The following PIP4K2A variants were observed in gnomAD, a reference collection of about 807,000 sequenced individuals.
The protein encoded by PIP4K2A is phosphatidylinositol-5-phosphate 4-kinase type 2 alpha.
In PIP4K2A, 14 loss-of-function variants were observed where a neutral mutation model predicts 42.9. The ratio of observed to expected loss-of-function variants is 0.33; its 90% CI spans 0.22 to 0.51. The LOEUF is 0.51. PIP4K2A is among the 20% of genes least tolerant of loss of function. The pLI, the probability that PIP4K2A is intolerant of heterozygous loss-of-function variation, is 0.97. For synonymous variants in PIP4K2A, 192 were observed against 192.2 expected, an observed-to-expected ratio of 1.00 and a Z score of 0.01; for missense variants, 434 against 519.8, an observed-to-expected ratio of 0.83 and a Z score of 1.61.
chr10:22,546,795 C>T (rs541790410), intron 7 of PIP4K2A, among the ~76,000 whole-genome samples: 1 of 152,144 alleles, frequency 6.6e-6, no homozygotes, highest in Non-Finnish European at 1.5e-5. Context: ...TGGAAGCTCG[C>T]AGATGGAAAG....
At chr10:22,542,290 G>C (rs1049942296) in intron 7 of PIP4K2A, among the ~76,000 whole-genome samples, 2 of 152,378 alleles carry the variant, frequency 1.3e-5, no homozygotes, top group South Asian at 4.1e-4. Context: ...TGGATGCGGA[G>C]AGGTGTGTAT....
At chr10:22,572,378 G>C (rs1340778803) in intron 5 of PIP4K2A, among the ~76,000 whole-genome samples, 1 of 152,240 alleles carries the variant, frequency 6.6e-6, no homozygotes, top group African/African-American at 2.4e-5. Context: ...CACTTTGGAA[G>C]GCCAAGGTGG....
At chr10:22,573,675 T>C (rs951646995) in intron 4 of PIP4K2A, among the ~76,000 whole-genome samples, 9 of 152,236 alleles carry the variant, frequency 5.9e-5, no homozygotes, top group Non-Finnish European at 8.8e-5. Flanking sequence ...TCCAAACAGA[T>C]TTTTTTCCAA....
chr10:22,626,624 A>C (rs978848802), intron 1 of PIP4K2A, among the ~76,000 whole-genome samples: 1 of 151,976 alleles, frequency 6.6e-6, no homozygotes, highest in African/African-American at 2.4e-5. Context: ...GCACACCTAT[A>C]TTCCATCATC....
At chr10:22,679,952 A>G (rs1300744640) in intron 1 of PIP4K2A, among the ~76,000 whole-genome samples, 2 of 152,056 alleles carry the variant, frequency 1.3e-5, no homozygotes, top group African/African-American at 4.8e-5. Flanking sequence ...TGGTTATACA[A>G]CCCCTATATT....
intron 1 of PIP4K2A, among the ~76,000 whole-genome samples, chr10:22,664,168 C>CACATAT (rs1554807304): frequency 3.3e-5 from 1 of 30,228 alleles, no homozygotes. Context: ...TATATATATA[C>CACATAT]ATATATATAT....
At chr10:22,636,163 G>C (rs2130781451) in intron 1 of PIP4K2A, among the ~76,000 whole-genome samples, 1 of 152,334 alleles carries the variant, frequency 6.6e-6, no homozygotes, top group Middle Eastern at 3.4e-3. Flanking sequence ...GAAAGAACCA[G>C]AAGGAACAGG....
intron 1 of PIP4K2A, chr10:22,641,999 T>C (rs1479659575): frequency 6.6e-6 from 1 of 152,256 alleles, no homozygotes; most frequent in Non-Finnish European, 1.5e-5. Flanking sequence ...CACGCAGGAC[T>C]CTTCCCATAA....
intron 1 of PIP4K2A, among the ~76,000 whole-genome samples, chr10:22,614,585 AG>A (rs1838133507): frequency 1.3e-5 from 2 of 152,210 alleles, no homozygotes; most frequent in South Asian, 4.1e-4. Flanking sequence ...CACAAAACAG[AG>A]GATCTACTAC....
intron 2 of PIP4K2A, 93 bp downstream of exon 2, chr10:22,609,527 C>T (rs893363555): frequency 6.7e-6 from 5 of 741,778 alleles, no homozygotes; most frequent in African/African-American, 1.8e-5. Flanking sequence ...ACTTTACTCC[C>T]ACCCATTGAC....
At chr10:22,676,715 T>C (rs1839567930) in intron 1 of PIP4K2A, among the ~76,000 whole-genome samples, 2 of 152,188 alleles carry the variant, frequency 1.3e-5, no homozygotes, top group South Asian at 4.1e-4. Flanking sequence ...GCAACTGCTA[T>C]AGTCCAGGCA....
intron 1 of PIP4K2A, among the ~76,000 whole-genome samples, chr10:22,713,228 G>C (rs992934367): frequency 6.6e-6 from 1 of 152,176 alleles, no homozygotes; most frequent in Non-Finnish European, 1.5e-5. Context: ...TCAGACCCTC[G>C]AACCGCAGTC....
intron 6 of PIP4K2A, among the ~76,000 whole-genome samples, chr10:22,561,762 G>A (rs1009834495): frequency 1.3e-5 from 2 of 151,458 alleles, no homozygotes; most frequent in African/African-American, 2.4e-5. Context: ...TGGGGGTCTC[G>A]CTATGTTTCC....
In PIP4K2A at chr10:22,537,491, T is replaced by C. The variant is rs779654111; in HGVS notation, c.1141-210A>G. The stretch of plus-strand genomic sequence containing the variant: ...GTTCTTACAAATCTGTGTCTGCAAA[T>C]GAGACAAAGGGCGACAGGAGCACCA... On this transcript the variant is annotated intron_variant, in intron 9 of 9. Transcript: ENST00000376573. Among the ~76,000 whole-genome samples the C allele has an allele frequency of 5.3e-5, 8 of 152,014 alleles. No individual in the cohort carries two copies. In the South Asian group the frequency reaches 6.2e-4, roughly 12 times the overall value.
intron 1 of PIP4K2A, among the ~76,000 whole-genome samples, chr10:22,665,078 T>C (rs1020412330): frequency 6.6e-6 from 1 of 152,218 alleles, no homozygotes. Context: ...ATGGATATAT[T>C]TAATACATTC....
intron 6 of PIP4K2A, among the ~76,000 whole-genome samples, chr10:22,553,376 G>A (rs1490624873): frequency 6.6e-6 from 1 of 152,156 alleles, no homozygotes; most frequent in Admixed American, 6.5e-5. Context: ...GCTTGCCAGG[G>A]ACCAGGGGCC....
chr10:22,634,652 G>A (rs1011391180), intron 1 of PIP4K2A, among the ~76,000 whole-genome samples: 1 of 152,110 alleles, frequency 6.6e-6, no homozygotes, highest in Non-Finnish European at 1.5e-5. Flanking sequence ...TCCTGTCCAA[G>A]GTCCAATTCT....
intron 1 of PIP4K2A, among the ~76,000 whole-genome samples, chr10:22,626,821 A>G (rs1838450339): frequency 6.6e-6 from 1 of 152,236 alleles, no homozygotes; most frequent in South Asian, 2.1e-4. Context: ...AGCTTTACAA[A>G]TAACAAAAAT....
intron 1 of PIP4K2A, among the ~76,000 whole-genome samples, chr10:22,687,769 G>A (rs1246212629): frequency 1.3e-5 from 2 of 152,144 alleles, no homozygotes; most frequent in Non-Finnish European, 2.9e-5. Context: ...TAAATGCTAT[G>A]TGAATAGTTA....
Sources: allele counts gnomAD v4.1 joint callset (sites outside exome capture counted in the v4.1 genomes callset), GRCh38; gene constraint gnomAD v4.1.1; transcripts MANE v1.5; gene names NCBI Gene and HGNC (gene_info 2026-07-23, HGNC 2026-07-21).